The following MS4A8 variants were observed in gnomAD, a reference collection of about 807,000 sequenced individuals.
MS4A8 encodes the protein membrane spanning 4-domains A8.
A neutral mutation model predicts 23.7 loss-of-function variants in MS4A8; 27 were observed. The ratio of observed to expected loss-of-function variants is 1.14; its 90% CI spans 0.84 to 1.57. MS4A8 has a LOEUF of 1.57. Ranked by LOEUF, MS4A8 falls within the 40% of genes most tolerant of loss-of-function variation. The pLI, the probability that MS4A8 is intolerant of heterozygous loss-of-function variation, is 0.00. For missense variants in MS4A8, 301 were observed against 311.4 expected (o/e 0.97, Z 0.25); for synonymous variants, 138 against 126.3 (o/e 1.09, Z -0.62).
intron 2 of MS4A8, among the ~76,000 whole-genome samples, chr11:60,702,688 T>C (rs527377642): frequency 3.7e-4 from 56 of 152,332 alleles, no homozygotes; most frequent in Middle Eastern, 3.4e-3. Context: ...TGTGAGCCAC[T>C]GTGCCTGGCC....
At chr11:60,705,869 C>T (rs894701102) in intron 3 of MS4A8, among the ~76,000 whole-genome samples, 14 of 152,160 alleles carry the variant, frequency 9.2e-5, no homozygotes, top group African/African-American at 2.9e-4. Context: ...ATGAAAACTC[C>T]GCTGGATGAT....
At chr11:60,703,082 T>G (rs1487875979) in intron 2 of MS4A8, 1 of 224,182 alleles carries the variant, frequency 4.5e-6, no homozygotes, top group African/African-American at 2.3e-5. Context: ...CCAAGAATAC[T>G]TAATGCCATG....
chr11:60,710,992 A>G (rs367620809), intron 5 of MS4A8, among the ~76,000 whole-genome samples: 28 of 152,076 alleles, frequency 1.8e-4, no homozygotes, highest in African/African-American at 6.3e-4. Flanking sequence ...GCCTACCTGA[A>G]CAACCCAACA....
At position 60,715,747 on chromosome 11, in the gene MS4A8, C is replaced by G; in HGVS notation, c.*333C>G. On this transcript the variant is annotated 3_prime_UTR_variant, in exon 7 of 7. Transcript: ENST00000300226. ...GCTTGTGGGTTAGAGGAACAAATAT[C>G]TAGACATTCAATCTTCACTCTTTCA... 3.2e-6 allele frequency: 1 copy of G among 310,316 alleles called. No homozygotes were observed. Among genetic ancestry groups the G allele is most frequent in the Non-Finnish European group, 6.1e-6 (1 of 164,912 alleles). 19.2% of individuals were successfully genotyped at this position (310,316 alleles called of 1,614,324 possible).
chr11:60,708,176 C>A (rs2134659097), intron 4 of MS4A8, among the ~76,000 whole-genome samples: 1 of 152,118 alleles, frequency 6.6e-6, no homozygotes, highest in African/African-American at 2.4e-5. Flanking sequence ...AACACTTCTC[C>A]CATGATATGC....
intron 4 of MS4A8, among the ~76,000 whole-genome samples, chr11:60,707,655 C>T (rs2088267753): frequency 1.3e-5 from 2 of 152,182 alleles, no homozygotes; most frequent in Admixed American, 6.5e-5. Context: ...CAAAAGAAAG[C>T]TCAAAATGTG....
At position 60,715,553 on chromosome 11, in the gene MS4A8, T is replaced by C; in HGVS notation, c.*139T>C. 1 of 638,308 alleles carries C rather than the reference T, an allele frequency of 1.6e-6. No individual in the cohort carries two copies. The highest frequency in any genetic ancestry group is 2.7e-6 in the Non-Finnish European group (1 of 365,226). The allele number at this position is 638,308 out of a possible 1,614,324, so 39.5% of individuals were successfully genotyped here. A position where few individuals can be genotyped will look rare whatever the true frequency, so the allele number is the denominator to read the frequency against. On this transcript the variant is annotated 3_prime_UTR_variant, in exon 7 of 7. Coordinates refer to ENST00000300226, the MANE Select transcript of MS4A8 (RefSeq NM_031457.2). ...ACTGTTTGTACTCTCACCTTCATTC[T>C]TCAATTCAGTCTAGGAAACCATGCT...
chr11:60,701,380 G>T lies in MS4A8; in HGVS notation c.219+301G>T, dbSNP rs568539128. The T allele has an allele frequency of 6.8e-4, 353 of 519,250 alleles. 3 individuals are homozygous for T. Among genetic ancestry groups the T allele is most frequent in the Non-Finnish European group, 1.3e-4 (36 of 270,062 alleles). 32.2% of individuals were successfully genotyped at this position (519,250 alleles called of 1,614,324 possible). On this transcript the variant is annotated intron_variant, in intron 2 of 6. Coordinates refer to ENST00000300226, the MANE Select transcript of MS4A8 (RefSeq NM_031457.2). ...CACGCCCAGCCCTGTGGCCTCTGAA[G>T]AAAGGGGTCCCAGCAAGACCAAAAT...
intron 5 of MS4A8, among the ~76,000 whole-genome samples, chr11:60,710,181 C>T (rs1167275310): frequency 6.6e-6 from 1 of 152,194 alleles, no homozygotes; most frequent in Non-Finnish European, 1.5e-5. Context: ...TTTCTGTACT[C>T]ATTTGTCTAT....
intron 5 of MS4A8, among the ~76,000 whole-genome samples, chr11:60,713,303 G>A (rs1051693629): frequency 6.6e-6 from 1 of 152,170 alleles, no homozygotes; most frequent in South Asian, 2.1e-4. Context: ...GGGCCTAGGG[G>A]ACCGGCGTTC....
At chr11:60,703,298 A>G in intron 2 of MS4A8, 80 bp from the exon 3 acceptor site, 1 of 1,404,966 alleles carries the variant, frequency 7.1e-7, no homozygotes, top group Non-Finnish European at 9.3e-7. Context: ...TAAAACATTT[A>G]TTAAAATTAA....
Position 60,708,730 on chromosome 11 carries a change from T to G in MS4A8, c.483T>G (p.Ser161Arg). The part of the protein sequence containing the change: ...VGVILFITDL[S>R]IPHPYAYPDY... Reference sequence around the variant, plus strand: ...TCATACTCTTCATCACAGATCTAAGTATTCCCCACCCATATGCCTACCCCG... The same window carrying G: ...TCATACTCTTCATCACAGATCTAAGGATTCCCCACCCATATGCCTACCCCG... Residue 161 changes from serine to arginine, a missense_variant, in exon 5 of 7, where the codon AGT becomes AGG. Transcript: ENST00000300226. The G allele has an allele frequency of 6.2e-7, 1 of 1,613,208 alleles. No individual in the cohort carries two copies.
intron 5 of MS4A8, chr11:60,709,091 C>A: frequency 2.9e-6 from 1 of 341,236 alleles, no homozygotes; most frequent in Non-Finnish European, 5.6e-6. Flanking sequence ...TGCCTTCTTG[C>A]CCATTACTAT....
intron 3 of MS4A8, 75 bp downstream of exon 3, chr11:60,703,575 T>C: frequency 1.3e-6 from 2 of 1,552,668 alleles, no homozygotes; most frequent in Non-Finnish European, 1.8e-6. Context: ...TGCCAAGTTG[T>C]GCAGCTGTGC....
chr11:60,713,620 G>A (rs897928714), intron 5 of MS4A8, among the ~76,000 whole-genome samples: 2 of 151,760 alleles, frequency 1.3e-5, no homozygotes, highest in Admixed American at 1.3e-4. Context: ...ACATTCCATT[G>A]CCCAGAGACG....
At chr11:60,715,237 T>A in intron 6 of MS4A8, 73 bp from the exon 7 acceptor site, 1 of 1,495,662 alleles carries the variant, frequency 6.7e-7, no homozygotes, top group Non-Finnish European at 9.3e-7. Context: ...CAGGAGTAGT[T>A]CCTCGGTGTC....
At position 60,707,046 on chromosome 11, in the gene MS4A8, TG is replaced by T. The variant is rs764423265; in HGVS notation, c.402+1del. 7 of 1,613,478 alleles carry T rather than the reference TG, an allele frequency of 4.3e-6. No individual in the cohort carries two copies. Among genetic ancestry groups the T allele is most frequent in the Non-Finnish European group, 5.9e-6 (7 of 1,179,400 alleles). On this transcript the variant is annotated frameshift_variant and splice_region_variant, in exon 4 of 7. Coordinates refer to ENST00000300226, the MANE Select transcript of MS4A8 (RefSeq NM_031457.2). LOFTEE classifies it high-confidence loss of function. ...GAAAATCAGCCATATTCTTATTGCC[TG>T]GTAAGTTACATTCTGAGACCAGCTC... The part of the protein sequence containing the change: ...AAENQPYSYC[L>X]LSGSLGLNIV...
At chr11:60,708,601 A>T (rs1255857256) in intron 4 of MS4A8, 49 bp from the exon 5 acceptor site, 1 of 1,478,090 alleles carries the variant, frequency 6.8e-7, no homozygotes, top group Non-Finnish European at 9.0e-7. Flanking sequence ...CATTCATCTC[A>T]GCTATAACAG....
chr11:60,708,529 G>T, intron 4 of MS4A8, 121 bp from the exon 5 acceptor site: 3 of 999,482 alleles, frequency 3.0e-6, no homozygotes, highest in Non-Finnish European at 4.2e-6. Flanking sequence ...TAAATTTTAT[G>T]TTACATATAT....
Sources: allele counts gnomAD v4.1 joint callset (sites outside exome capture counted in the v4.1 genomes callset), GRCh38; gene constraint gnomAD v4.1.1; transcripts MANE v1.5; gene names NCBI Gene and HGNC (gene_info 2026-07-23, HGNC 2026-07-21).